The following INSYN2B variants were observed in gnomAD, a reference collection of about 807,000 sequenced individuals.
INSYN2B encodes the protein inhibitory synaptic factor family member 2B, also known as protein INSYN2B.
A neutral mutation model predicts 41.2 loss-of-function variants in INSYN2B; 16 were observed. The ratio of observed to expected loss-of-function variants is 0.39; its 90% CI spans 0.26 to 0.59. INSYN2B has a LOEUF of 0.59. Ranked by LOEUF, INSYN2B falls within the 20% of genes least tolerant of loss-of-function variation. The probability of loss-of-function intolerance (pLI) is 0.57; values close to 1 mark genes in which losing one functional copy is unlikely to be tolerated. For missense variants in INSYN2B, 608 were observed against 646.4 expected (o/e 0.94, Z 0.64); for synonymous variants, 245 against 244.4 (o/e 1.00, Z -0.02).
chr5:169,909,766 C>A (rs1439372110), intron 1 of INSYN2B, among the ~76,000 whole-genome samples: 2 of 152,126 alleles, frequency 1.3e-5, no homozygotes, highest in Non-Finnish European at 2.9e-5. Context: ...AAAATACAAT[C>A]CAAGATGATC....
chr5:169,979,698 C>G (rs1174203913), intron 1 of INSYN2B, among the ~76,000 whole-genome samples: 1 of 152,174 alleles, frequency 6.6e-6, no homozygotes, highest in Non-Finnish European at 1.5e-5. Flanking sequence ...GTAACTTGTC[C>G]AAACTTCAGT....
chr5:169,904,702 A>G (rs1177708349), intron 1 of INSYN2B, among the ~76,000 whole-genome samples: 1 of 152,170 alleles, frequency 6.6e-6, no homozygotes, highest in Admixed American at 6.5e-5. Context: ...TCTGACAGAT[A>G]CCGAGGGTGG....
chr5:169,900,583 T>A (rs1412604813), intron 1 of INSYN2B, among the ~76,000 whole-genome samples: 1 of 152,198 alleles, frequency 6.6e-6, no homozygotes, highest in Non-Finnish European at 1.5e-5. Context: ...ATGTCGAGTC[T>A]CTCTCCTTTG....
At chr5:169,923,832 G>A (rs2113659305) in intron 1 of INSYN2B, among the ~76,000 whole-genome samples, 1 of 152,320 alleles carries the variant, frequency 6.6e-6, no homozygotes, top group South Asian at 2.1e-4. Context: ...GTTGTAGATA[G>A]TTTGCCAAGG....
At chr5:169,924,701 C>CT (rs983037337) in intron 1 of INSYN2B, among the ~76,000 whole-genome samples, 4 of 152,106 alleles carry the variant, frequency 2.6e-5, no homozygotes, top group Non-Finnish European at 5.9e-5. Context: ...ATCTGAGAGG[C>CT]TTTTTTTGAA....
rs372380428 is a variant in INSYN2B at position 169,864,430 on chromosome 5, C to A, written c.1451G>T (p.Gly484Val). The change falls in exon 4 of 4, where the codon GGC (glycine) becomes GTC (valine). Residue 484 changes from glycine (G) to valine (V), a missense_variant. Physicochemically the swap from Gly to Val is moderately radical, Grantham distance 109 (BLOSUM62 -3). Transcript: ENST00000377365. ...ACTCTGCAAAACTTCATGGAACCTG[C>A]CTTCCTGCTGCCGAAAATCATACTC... Reference protein sequence around the residue: ...SVEYDFRQQEGRFHEVLQSLE... With the variant: ...SVEYDFRQQEVRFHEVLQSLE... 3.2e-6 allele frequency: 5 copies of A among 1,546,960 alleles called. No homozygotes were observed. The highest frequency in any genetic ancestry group is 4.4e-6 in the Non-Finnish European group (5 of 1,145,066).
chr5:169,925,156 T>G lies in INSYN2B; in HGVS notation c.-918-40340A>C, dbSNP rs182129956. Among the ~76,000 whole-genome samples, 415 of 152,240 alleles carry G rather than the reference T, an allele frequency of 2.7e-3. 1 individual carries two copies. The highest frequency in any genetic ancestry group is 4.6e-3 in the Admixed American group (70 of 15,290). The stretch of plus-strand genomic sequence containing the variant: ...GAAGGCCAAAAAGTGTAATACATGG[T>G]AAAGAGGGGAAAGGGGACTCTGTAG... On this transcript the variant is annotated intron_variant, in intron 1 of 3. Transcript: ENST00000377365.
chr5:169,942,162 A>T (rs1776268566), intron 1 of INSYN2B, among the ~76,000 whole-genome samples: 2 of 152,224 alleles, frequency 1.3e-5, no homozygotes, highest in South Asian at 4.1e-4. Flanking sequence ...CACCTGAGAA[A>T]GTCTGTAGCA....
intron 3 of INSYN2B, among the ~76,000 whole-genome samples, chr5:169,871,138 T>G (rs1200044291): frequency 6.6e-6 from 1 of 152,190 alleles, no homozygotes; most frequent in Non-Finnish European, 1.5e-5. Flanking sequence ...CTTCCAAAGT[T>G]TCTACCTCCA....
intron 1 of INSYN2B, chr5:169,934,892 A>G (rs1464079636): frequency 2.9e-6 from 1 of 346,526 alleles, no homozygotes; most frequent in East Asian, 7.7e-5. Flanking sequence ...CTTACACTTG[A>G]TATTTATTCT....
intron 3 of INSYN2B, among the ~76,000 whole-genome samples, chr5:169,870,769 A>G (rs1445967060): frequency 6.6e-6 from 1 of 152,100 alleles, no homozygotes. Flanking sequence ...GGAAGATAGG[A>G]AGGTTGTTGC....
At chr5:169,871,119 C>G (rs75935572) in intron 3 of INSYN2B, among the ~76,000 whole-genome samples, 2,731 of 152,212 alleles carry the variant, frequency 0.018, 86 homozygotes, top group African/African-American at 0.063. Flanking sequence ...AAGTTCATGA[C>G]CTAATCACCT....
At chr5:169,961,673 T>C (rs1048539167) in intron 1 of INSYN2B, among the ~76,000 whole-genome samples, 2 of 151,980 alleles carry the variant, frequency 1.3e-5, no homozygotes, top group Non-Finnish European at 2.9e-5. Flanking sequence ...AAGTATAAAG[T>C]TTTTTAAGAA....
intron 1 of INSYN2B, among the ~76,000 whole-genome samples, chr5:169,954,698 G>T (rs1776793762): frequency 6.6e-6 from 1 of 152,094 alleles, no homozygotes. Flanking sequence ...TTTCAAACTT[G>T]TTGTTGTTGT....
chr5:169,906,117 C>A (rs560529561), intron 1 of INSYN2B, among the ~76,000 whole-genome samples: 140 of 152,254 alleles, frequency 9.2e-4, no homozygotes, highest in African/African-American at 1.9e-3. Flanking sequence ...GTCCTGAGTT[C>A]GACCTTCTTT....
At position 169,880,945 on chromosome 5, in the gene INSYN2B, T is replaced by C. The variant is rs115232382; in HGVS notation, c.1421+423A>G. The stretch of plus-strand genomic sequence containing the variant: ...AAGTAAGGGCTTGGCATAGCATAGC[T>C]ACTGTTGAGGAAGAGGCAGTGTGGT... On this transcript the variant is annotated intron_variant, in intron 3 of 3. Coordinates refer to ENST00000377365, the MANE Select transcript of INSYN2B (RefSeq NM_001129891.3). Among the ~76,000 whole-genome samples, 819 of 152,326 alleles carry C rather than the reference T, an allele frequency of 5.4e-3. 9 individuals carry two copies. Among genetic ancestry groups the C allele is most frequent in the African/African-American group, 0.019 (797 of 41,560 alleles).
At chr5:169,950,639 G>A (rs1411260849) in intron 1 of INSYN2B, among the ~76,000 whole-genome samples, 2 of 152,196 alleles carry the variant, frequency 1.3e-5, no homozygotes, top group African/African-American at 4.8e-5. Context: ...GGCCTCAGGT[G>A]TACTCTTTTC....
chr5:169,915,513 A>G (rs155023), intron 1 of INSYN2B, among the ~76,000 whole-genome samples: 50,902 of 150,708 alleles, frequency 0.34, 9,899 homozygotes, highest in East Asian at 0.54. Flanking sequence ...CTCATTTCCA[A>G]TTTGCCTGGC....
chr5:169,893,270 G>A (rs2113547820), intron 1 of INSYN2B, among the ~76,000 whole-genome samples: 1 of 152,260 alleles, frequency 6.6e-6, no homozygotes, highest in Non-Finnish European at 1.5e-5. Flanking sequence ...GAATCTGAAA[G>A]GTCACCTCCA....
Sources: gnomAD v4.1 joint callset for allele counts (sites outside exome capture counted in the v4.1 genomes callset) on GRCh38, gnomAD v4.1.1 for gene constraint, MANE v1.5 for transcripts, NCBI Gene and HGNC (gene_info 2026-07-23, HGNC 2026-07-21) for gene names.